COL1A2: variants seen among roughly 807,000 people sequenced by gnomAD.
COL1A2 encodes collagen type I alpha 2 chain.
A neutral mutation model predicts 174.3 loss-of-function variants in COL1A2; 49 were observed. The observed-to-expected ratio is 0.28, with a 90% confidence interval of 0.22 to 0.36. The LOEUF (loss-of-function observed/expected upper bound fraction) is 0.36, where lower values mean the gene tolerates loss of function less well. Among genes scored for constraint, COL1A2 ranks in the 10% least tolerant of loss-of-function variants. The pLI is 1.00. For synonymous variants in COL1A2, 655 were observed against 606.6 expected, an observed-to-expected ratio of 1.08 and a Z score of -1.17; for missense variants, 1,438 against 1,822.7, an observed-to-expected ratio of 0.79 and a Z score of 3.84.
chr7:94,406,099 G>T, intron 11 of COL1A2, 151 bp from the exon 12 acceptor site: 1 of 780,042 alleles, frequency 1.3e-6, no homozygotes. Context: ...GCAATAGACT[G>T]AGTTTGCTGG....
chr7:94,414,129 G>C, intron 28 of COL1A2, 93 bp from the exon 29 acceptor site: 1 of 1,404,198 alleles, frequency 7.1e-7, no homozygotes, highest in Admixed American at 1.7e-5. Flanking sequence ...TGCTCATGTT[G>C]ATATTTGGTA....
At chr7:94,396,030 G>A (rs958195206) in intron 1 of COL1A2, among the ~76,000 whole-genome samples, 4 of 152,080 alleles carry the variant, frequency 2.6e-5, no homozygotes, top group African/African-American at 9.7e-5. Flanking sequence ...AATTTGCTGC[G>A]TGACTTTGGG....
At chr7:94,396,744 C>T (rs768940772) in intron 1 of COL1A2, among the ~76,000 whole-genome samples, 3 of 152,256 alleles carry the variant, frequency 2.0e-5, no homozygotes, top group South Asian at 4.1e-4. Context: ...CAGTAATTCT[C>T]GTAAATTGCC....
chr7:94,422,588 G>T, intron 39 of COL1A2: 2 of 180,394 alleles, frequency 1.1e-5, no homozygotes, highest in East Asian at 1.5e-4. Flanking sequence ...AAAAAAAAAA[G>T]AAGAAAAAAG....
intron 49 of COL1A2, 68 bp from the exon 50 acceptor site, chr7:94,428,225 A>G: frequency 8.0e-7 from 1 of 1,251,756 alleles, no homozygotes; most frequent in Non-Finnish European, 1.2e-6. Context: ...ATCTTTCATT[A>G]GTTATTATTA....
intron 5 of COL1A2, among the ~76,000 whole-genome samples, chr7:94,401,118 C>A (rs936706844): frequency 2.0e-5 from 3 of 152,146 alleles, no homozygotes; most frequent in African/African-American, 7.2e-5. Context: ...TCCTGAAACT[C>A]CAGCAAGAAA....
chr7:94,408,928 C>T (rs1009535738), intron 16 of COL1A2, 105 bp downstream of exon 16: 2 of 1,065,384 alleles, frequency 1.9e-6, no homozygotes, highest in Non-Finnish European at 2.9e-6. Flanking sequence ...GAAACAGTTA[C>T]CTTAATTATT....
rs535373231 is a variant in COL1A2, at chr7:94,409,052, G to T, written c.792+229G>T. Among the ~76,000 whole-genome samples the T allele has an allele frequency of 3.9e-5, 6 of 152,202 alleles. No individual in the cohort carries two copies. The East Asian group carries it at 1.2e-3, about 29-fold the overall frequency. ...CGATATAGATGACAACATGGAAATT[G>T]TCTCTAGGACTAGTTAGTTAGGACT... is the stretch of plus-strand genomic sequence containing the variant. On this transcript the variant is annotated intron_variant, in intron 16 of 51. Transcript: ENST00000297268.
intron 50 of COL1A2, among the ~76,000 whole-genome samples, chr7:94,428,708 A>G (rs1792337425): frequency 6.6e-6 from 1 of 152,244 alleles, no homozygotes; most frequent in Non-Finnish European, 1.5e-5. Context: ...AATCATTGAA[A>G]AAACTGACTA....
At chr7:94,410,649 T>C in intron 21 of COL1A2, 122 bp downstream of exon 21, 2 of 953,130 alleles carry the variant, frequency 2.1e-6, no homozygotes, top group Non-Finnish European at 3.3e-6. Flanking sequence ...CTGCTTTCCA[T>C]CTGCCTTATT....
In COL1A2 at chr7:94,420,652, A is replaced by G. The variant is rs2115932384; in HGVS notation, c.2295+4A>G. On this transcript the variant is annotated splice_donor_region_variant and intron_variant, in intron 37 of 51. Coordinates refer to ENST00000297268, the MANE Select transcript of COL1A2 (RefSeq NM_000089.4). ...CGTTGGAGCTGCTGGCCCAGCTGTA[A>G]GTTGAATTCACTGGTGGTCCACACA... 1.3e-6 allele frequency: 2 copies of G among 1,584,726 alleles called. No homozygotes were observed. Among genetic ancestry groups the G allele is most frequent in the Admixed American group, 1.8e-5 (1 of 55,334 alleles).
chr7:94,413,770 C>T (rs1467041614), intron 27 of COL1A2, 27 bp downstream of exon 27: 12 of 1,612,096 alleles, frequency 7.4e-6, no homozygotes, highest in Non-Finnish European at 1.0e-5. Flanking sequence ...CTCTTGTGCT[C>T]TTCTGCACTA....
chr7:94,406,136 C>A, intron 11 of COL1A2, 114 bp from the exon 12 acceptor site: 1 of 1,065,892 alleles, frequency 9.4e-7, no homozygotes, highest in Non-Finnish European at 1.4e-6. Flanking sequence ...CTTCTTTCTA[C>A]TGCAGCAGAC....
intron 32 of COL1A2, 113 bp downstream of exon 32, chr7:94,417,944 T>A: frequency 1.2e-6 from 1 of 846,298 alleles, no homozygotes. Flanking sequence ...TTTTCATATC[T>A]ATCTATATAC....
At chr7:94,404,668 G>C in intron 7 of COL1A2, 25 bp from the exon 8 acceptor site, 1 of 1,614,160 alleles carries the variant, frequency 6.2e-7, no homozygotes, top group Non-Finnish European at 8.5e-7. Flanking sequence ...AAGGCTTGGA[G>C]TATGACATTC....
In COL1A2 at chr7:94,410,444, C is replaced by T; in HGVS notation, c.1114C>T (p.Pro372Ser). Residue 372 changes from proline (P) to serine (S), a missense_variant, in exon 21 of 52, where the codon CCT (proline) becomes TCT (serine). Physicochemically the swap from Pro to Ser is moderately conservative, Grantham distance 74 (BLOSUM62 -1). Around this residue, in one of 3 missense-constraint regions of COL1A2, gnomAD observed 867 missense variants for 1,213.7 expected, o/e 0.71. Coordinates refer to ENST00000297268, the MANE Select transcript of COL1A2 (RefSeq NM_000089.4). ...GGGCTCTGCTGGGCCCCAAGGTCCT[C>T]CTGGTCCCAGTGGTGAAGAAGGAAA... ...EPGSAGPQGP[P>S]GPSGEEGKRG... 6.4e-7 allele frequency: 1 copy of T among 1,551,438 alleles called. No individual in the cohort carries two copies. The highest frequency in any genetic ancestry group is 8.7e-7 in the Non-Finnish European group (1 of 1,147,356).
intron 15 of COL1A2, 83 bp downstream of exon 15, chr7:94,408,463 G>T: frequency 6.8e-7 from 1 of 1,466,310 alleles, no homozygotes; most frequent in Non-Finnish European, 9.6e-7. Flanking sequence ...TTACGAAATA[G>T]CATCATTTCA....
intron 1 of COL1A2, 176 bp downstream of exon 1, chr7:94,395,277 G>C: frequency 1.3e-6 from 1 of 747,904 alleles, no homozygotes; most frequent in Non-Finnish European, 2.5e-6. Context: ...TTTAAAAAAT[G>C]AAAACATAAA....
intron 25 of COL1A2, 64 bp downstream of exon 25, chr7:94,412,746 G>C: frequency 7.3e-7 from 1 of 1,371,680 alleles, no homozygotes. Flanking sequence ...CCAAACTCTA[G>C]TATTTATCTC....
Sources: gnomAD v4.1 joint callset for allele counts (sites outside exome capture counted in the v4.1 genomes callset) on GRCh38, gnomAD v4.1.1 for gene constraint, gnomAD v4.1.1 regional missense constraint, MANE v1.5 for transcripts, NCBI Gene and HGNC (gene_info 2026-07-23, HGNC 2026-07-21) for gene names.